Variants in ROR2 observed in about 807,000 individuals in gnomAD.
ROR2 encodes tyrosine-protein kinase transmembrane receptor ROR2.
A neutral mutation model predicts 74.9 loss-of-function variants in ROR2; 33 were observed. That is an observed-to-expected ratio of 0.44 (90% confidence interval 0.33 to 0.59). The LOEUF (loss-of-function observed/expected upper bound fraction) is 0.59, where lower values mean the gene tolerates loss of function less well. Ranked by LOEUF, ROR2 falls within the 20% of genes least tolerant of loss-of-function variation. The probability of loss-of-function intolerance (pLI) is 0.02; values close to 1 mark genes in which losing one functional copy is unlikely to be tolerated. For synonymous variants in ROR2, 586 were observed against 558.7 expected (o/e 1.05, Z -0.69); for missense variants, 1,216 against 1,313.8 (o/e 0.93, Z 1.15).
Position 91,941,884 on chromosome 9 carries a change from G to A in ROR2, c.97+7983C>T, listed in dbSNP as rs558650754. The stretch of plus-strand genomic sequence containing the variant: ...CGGCTCACTGCAGCCTCCACCTCCC[G>A]GGTTCAAGTGATTCTCCTGCTTCAG... On this transcript the variant is annotated intron_variant, in intron 1 of 8. Transcript: ENST00000375708. Among the ~76,000 whole-genome samples, 37 of 151,926 alleles carry A rather than the reference G, an allele frequency of 2.4e-4. 1 individual carries two copies. In the East Asian group the frequency reaches 5.8e-3, roughly 24 times the overall value.
At chr9:91,796,613 G>T (rs1305763683) in intron 1 of ROR2, among the ~76,000 whole-genome samples, 1 of 152,084 alleles carries the variant, frequency 6.6e-6, no homozygotes, top group Non-Finnish European at 1.5e-5. Flanking sequence ...TGGGTGGGAC[G>T]CTGACGCCCT....
At chr9:91,833,362 T>G (rs1828523798) in intron 1 of ROR2, among the ~76,000 whole-genome samples, 1 of 152,044 alleles carries the variant, frequency 6.6e-6, no homozygotes, top group Non-Finnish European at 1.5e-5. Flanking sequence ...GCATGCCGAG[T>G]GCACTGTGCC....
intron 1 of ROR2, among the ~76,000 whole-genome samples, chr9:91,808,646 G>T (rs1227015188): frequency 1.3e-5 from 2 of 150,638 alleles, no homozygotes. Context: ...AAATTATCAT[G>T]CATTGTAAGT....
chr9:91,942,794 G>C (rs888212737), intron 1 of ROR2, among the ~76,000 whole-genome samples: 15 of 152,072 alleles, frequency 9.9e-5, no homozygotes, highest in Admixed American at 5.2e-4. Flanking sequence ...TCCAAACCAA[G>C]GGCACCATGA....
At chr9:91,755,820 C>A in intron 4 of ROR2, 1 of 593,864 alleles carries the variant, frequency 1.7e-6, no homozygotes, top group East Asian at 2.8e-5. Context: ...TCTCAGTAGC[C>A]CTGTGTAAGG....
At chr9:91,790,286 G>A (rs959982914) in intron 1 of ROR2, among the ~76,000 whole-genome samples, 2 of 151,874 alleles carry the variant, frequency 1.3e-5, no homozygotes, top group African/African-American at 4.8e-5. Context: ...CAGATCACAA[G>A]GTCAGGAGAT....
intron 2 of ROR2, among the ~76,000 whole-genome samples, chr9:91,763,719 C>T (rs1354905493): frequency 1.3e-5 from 2 of 152,166 alleles, no homozygotes; most frequent in African/African-American, 2.4e-5. Context: ...AATTTTCCTT[C>T]CACTCTTCTT....
intron 1 of ROR2, among the ~76,000 whole-genome samples, chr9:91,861,387 A>G (rs1200112946): frequency 2.6e-5 from 4 of 152,262 alleles, no homozygotes; most frequent in South Asian, 2.1e-4. Context: ...CTGAAGTAGT[A>G]TGGTACTAGT....
Position 91,722,926 on chromosome 9 carries a change from T to C in ROR2, c.*736A>G, listed in dbSNP as rs73654047. The C allele has an allele frequency of 4.2e-3, 1,194 of 282,858 alleles. 15 individuals are homozygous for C. Among genetic ancestry groups the C allele is most frequent in the African/African-American group, 0.022 (1,056 of 47,444 alleles). The allele number at this position is 282,858 out of a possible 1,614,324, so 17.5% of individuals were successfully genotyped here. On this transcript the variant is annotated 3_prime_UTR_variant, in exon 9 of 9. Transcript: ENST00000375708. ...AATACCGTGTTCTGTACAATACTGC[T>C]TCCTCTGAACATTCCAAACCCAAGA... is the stretch of plus-strand genomic sequence containing the variant.
chr9:91,842,386 C>T (rs970684298), intron 1 of ROR2, among the ~76,000 whole-genome samples: 2 of 152,154 alleles, frequency 1.3e-5, no homozygotes, highest in African/African-American at 4.8e-5. Context: ...TCACAATGAC[C>T]CCATCATTAT....
chr9:91,733,501 C>T lies in ROR2; in HGVS notation c.623-65G>A. The T allele has an allele frequency of 6.6e-7, 1 of 1,510,852 alleles. No homozygotes were observed. 93.6% of individuals were successfully genotyped at this position (1,510,852 alleles called of 1,614,324 possible). On this transcript the variant is annotated intron_variant, in intron 5 of 8. Transcript: ENST00000375708. The surrounding 1 kb of genome is among the most constrained non-coding windows in gnomAD (Gnocchi z 5.7). Reference sequence around the variant, plus strand: ...CTTGCGCCCTTGACATTCATCCAGTCCCCACCCCCAGCCTGGCATCCCAGA... The same window carrying T: ...CTTGCGCCCTTGACATTCATCCAGTTCCCACCCCCAGCCTGGCATCCCAGA...
chr9:91,845,906 A>AAAAAAAAC, intron 1 of ROR2, among the ~76,000 whole-genome samples: 1 of 142,150 alleles, frequency 7.0e-6, no homozygotes, highest in Non-Finnish European at 1.5e-5. Context: ...AAAAAAAAAA[A>AAAAAAAAC]AATAGGTGTA....
intron 1 of ROR2, among the ~76,000 whole-genome samples, chr9:91,880,785 T>G (rs529538182): frequency 3.7e-4 from 56 of 152,254 alleles, no homozygotes; most frequent in African/African-American, 1.3e-3. Context: ...AATGTCAAGG[T>G]CATGAAGGTC....
At chr9:91,825,768 G>A (rs1330927001) in intron 1 of ROR2, among the ~76,000 whole-genome samples, 1 of 152,246 alleles carries the variant, frequency 6.6e-6, no homozygotes, top group East Asian at 1.9e-4. Flanking sequence ...GGGGAGGGTA[G>A]GATGGACTGT....
chr9:91,733,538 G>A lies in ROR2; in HGVS notation c.623-102C>T. ...CCTGGCATCCCAGACTGCCCACTCA[G>A]CCCCCTGATGCCCCGCCCCGCCCCA... On this transcript the variant is annotated intron_variant, in intron 5 of 8. Coordinates refer to ENST00000375708, the MANE Select transcript of ROR2 (RefSeq NM_004560.4). The surrounding 1 kb of genome is among the most constrained non-coding windows in gnomAD (Gnocchi z 5.7). 1 of 1,239,534 alleles carries A rather than the reference G, an allele frequency of 8.1e-7. No homozygotes were observed. Among genetic ancestry groups the A allele is most frequent in the Non-Finnish European group, 1.1e-6 (1 of 896,638 alleles). 76.8% of individuals were successfully genotyped at this position (1,239,534 alleles called of 1,614,324 possible). A position where few individuals can be genotyped will look rare whatever the true frequency, so the allele number is the denominator to read the frequency against.
At chr9:91,933,879 G>A (rs758881660) in intron 1 of ROR2, among the ~76,000 whole-genome samples, 38 of 152,330 alleles carry the variant, frequency 2.5e-4, no homozygotes, top group South Asian at 6.2e-4. Flanking sequence ...TTAATGGGTA[G>A]AGGACTTCCT....
intron 1 of ROR2, among the ~76,000 whole-genome samples, chr9:91,925,464 G>C (rs1055236119): frequency 2.2e-5 from 3 of 134,886 alleles, no homozygotes; most frequent in African/African-American, 8.6e-5. Context: ...TCAGCTGCCT[G>C]TATGTGTGTG....
intron 1 of ROR2, among the ~76,000 whole-genome samples, chr9:91,798,794 G>C (rs911467478): frequency 1.3e-5 from 2 of 152,054 alleles, no homozygotes; most frequent in African/African-American, 4.8e-5. Context: ...GTCTACTTTC[G>C]TTTTGCCAGA....
intron 1 of ROR2, among the ~76,000 whole-genome samples, chr9:91,810,538 C>T (rs1156854973): frequency 6.6e-6 from 1 of 152,220 alleles, no homozygotes; most frequent in Admixed American, 6.5e-5. Flanking sequence ...CTCTGCACTT[C>T]AGCTGCAAGC....
Sources: allele counts gnomAD v4.1 joint callset (sites outside exome capture counted in the v4.1 genomes callset), GRCh38; gene constraint gnomAD v4.1.1; non-coding constraint Gnocchi (gnomAD v3.1); transcripts MANE v1.5; gene names NCBI Gene and HGNC (gene_info 2026-07-23, HGNC 2026-07-21).